The following HPSE2 variants were observed in gnomAD, a reference collection of about 807,000 sequenced individuals.
HPSE2 encodes heparanase 2 (inactive).
Under a neutral mutation model 60.5 loss-of-function variants are expected in HPSE2, and 38 were observed. That is an observed-to-expected ratio of 0.63 (90% CI 0.48 to 0.82). The LOEUF is 0.82. HPSE2 is among the 40% of genes least tolerant of loss of function. The pLI is 0.00. For missense variants in HPSE2, 713 were observed against 740.4 expected, an observed-to-expected ratio of 0.96 and a Z score of 0.43; for synonymous variants, 295 against 293.2, an observed-to-expected ratio of 1.01 and a Z score of -0.06.
intron 1 of HPSE2, among the ~76,000 whole-genome samples, chr10:99,232,894 A>AG (rs1439042436): frequency 6.6e-6 from 1 of 152,280 alleles, no homozygotes; most frequent in Non-Finnish European, 1.5e-5. Context: ...CTCCGGGCGG[A>AG]GACGCGCTAG....
chr10:99,019,259 A>G (rs1389192747), intron 3 of HPSE2, among the ~76,000 whole-genome samples: 1 of 152,212 alleles, frequency 6.6e-6, no homozygotes, highest in South Asian at 2.1e-4. Context: ...GTGATTCAGC[A>G]TAACGACAGA....
At chr10:99,053,620 A>G (rs549233793) in intron 3 of HPSE2, among the ~76,000 whole-genome samples, 1 of 151,758 alleles carries the variant, frequency 6.6e-6, no homozygotes, top group South Asian at 2.1e-4. Flanking sequence ...GGCAATAGAT[A>G]GGACATGATT....
At chr10:98,618,494 C>A (rs770113722) in intron 8 of HPSE2, among the ~76,000 whole-genome samples, 3 of 152,076 alleles carry the variant, frequency 2.0e-5, no homozygotes, top group African/African-American at 4.8e-5. Flanking sequence ...CCAAGGGGGT[C>A]CCTGCAGCAT....
chr10:99,234,273 C>T (rs1194758094), intron 1 of HPSE2, among the ~76,000 whole-genome samples: 1 of 152,184 alleles, frequency 6.6e-6, no homozygotes, highest in Non-Finnish European at 1.5e-5. Flanking sequence ...GTGGAAGGAG[C>T]GCTCCACGTG....
chr10:98,554,247 T>C (rs1365194664), intron 9 of HPSE2, among the ~76,000 whole-genome samples: 1 of 152,116 alleles, frequency 6.6e-6, no homozygotes, highest in Non-Finnish European at 1.5e-5. Flanking sequence ...ACATCCAAAC[T>C]CCCCATGGAC....
intron 8 of HPSE2, among the ~76,000 whole-genome samples, chr10:98,620,290 TG>T (rs1946037995): frequency 6.6e-6 from 1 of 152,176 alleles, no homozygotes; most frequent in Admixed American, 6.5e-5. Context: ...TAGTGAAAAT[TG>T]GCTTAGAAAA....
At chr10:98,496,332 T>A (rs537023821) in intron 9 of HPSE2, among the ~76,000 whole-genome samples, 16 of 152,284 alleles carry the variant, frequency 1.1e-4, no homozygotes, top group African/African-American at 3.6e-4. Flanking sequence ...TCCCCTACAG[T>A]CACTTCAGCC....
intron 2 of HPSE2, among the ~76,000 whole-genome samples, chr10:99,206,803 T>C (rs1027333591): frequency 9.9e-5 from 15 of 151,772 alleles, no homozygotes; most frequent in African/African-American, 2.9e-4. Context: ...AACAGCAGAA[T>C]TGATCAAGCA....
At chr10:98,963,975 T>C (rs1202824328) in intron 3 of HPSE2, among the ~76,000 whole-genome samples, 1 of 152,160 alleles carries the variant, frequency 6.6e-6, no homozygotes, top group Non-Finnish European at 1.5e-5. Context: ...CCGATGGAGA[T>C]AAAATATTTC....
chr10:98,949,555 T>G (rs540471366), intron 3 of HPSE2, among the ~76,000 whole-genome samples: 1 of 152,314 alleles, frequency 6.6e-6, no homozygotes, highest in South Asian at 2.1e-4. Context: ...CAGGCAATTC[T>G]TACAACATTT....
At chr10:98,540,828 A>G (rs1943434479) in intron 9 of HPSE2, among the ~76,000 whole-genome samples, 1 of 152,222 alleles carries the variant, frequency 6.6e-6, no homozygotes, top group Admixed American at 6.5e-5. Flanking sequence ...TTTCAAATGC[A>G]TCTACCATGA....
chr10:98,837,178 A>C (rs1025184534), intron 3 of HPSE2, among the ~76,000 whole-genome samples: 1 of 152,270 alleles, frequency 6.6e-6, no homozygotes, highest in Admixed American at 6.5e-5. Flanking sequence ...TCAAGTTGAC[A>C]CATCAGAAAT....
chr10:98,484,729 A>G (rs961829768), intron 10 of HPSE2, among the ~76,000 whole-genome samples: 2 of 152,202 alleles, frequency 1.3e-5, no homozygotes, highest in African/African-American at 4.8e-5. Flanking sequence ...TACCTACCTC[A>G]AGATTATAAA....
At chr10:98,681,114 T>C (rs1420293235) in intron 6 of HPSE2, among the ~76,000 whole-genome samples, 1 of 151,930 alleles carries the variant, frequency 6.6e-6, no homozygotes, top group Non-Finnish European at 1.5e-5. Context: ...CTTGAAACAA[T>C]TAAAGACAAA....
chr10:98,845,263 C>A (rs1589934381), intron 3 of HPSE2, among the ~76,000 whole-genome samples: 2 of 152,162 alleles, frequency 1.3e-5, no homozygotes, highest in South Asian at 4.1e-4. Context: ...CCTCTCACCC[C>A]ACTCAAATCA....
intron 3 of HPSE2, among the ~76,000 whole-genome samples, chr10:99,122,733 T>C (rs1187496409): frequency 6.6e-6 from 1 of 152,118 alleles, no homozygotes; most frequent in East Asian, 1.9e-4. Context: ...CCTTCCCAAA[T>C]TGGACAATAA....
chr10:98,545,334 G>T (rs1233012899), intron 9 of HPSE2, among the ~76,000 whole-genome samples: 2 of 151,930 alleles, frequency 1.3e-5, no homozygotes, highest in African/African-American at 4.8e-5. Flanking sequence ...TACCAAAGCC[G>T]GGCAGAGACA....
chr10:99,114,763 A>T (rs918833368), intron 3 of HPSE2, among the ~76,000 whole-genome samples: 16 of 151,688 alleles, frequency 1.1e-4, no homozygotes, highest in Middle Eastern at 3.4e-3. Flanking sequence ...AAATACAAAA[A>T]ATTGGCTGGG....
the HPSE2 span, among the ~76,000 whole-genome samples, chr10:99,277,820 G>A: frequency 9.2e-5 from 14 of 152,114 alleles, 1 homozygote; most frequent in East Asian, 1.7e-3. Flanking sequence ...ATATGCGGCC[G>A]GGCATGGTGG....
Sources: gnomAD v4.1 joint callset for allele counts (sites outside exome capture counted in the v4.1 genomes callset) on GRCh38, gnomAD v4.1.1 for gene constraint, MANE v1.5 for transcripts, NCBI Gene and HGNC (gene_info 2026-07-23, HGNC 2026-07-21) for gene names.